The following SPATA6 variants were observed in gnomAD, a reference collection of about 807,000 sequenced individuals.
SPATA6 encodes the protein spermatogenesis associated 6, also known as spermatogenesis-associated protein 6.
A neutral mutation model predicts 65.3 loss-of-function variants in SPATA6; 56 were observed. The observed-to-expected ratio is 0.86, with a 90% CI of 0.69 to 1.07. The LOEUF is 1.07. Among genes scored for constraint, SPATA6 ranks in the 50% least tolerant of loss-of-function variants. SPATA6 has a pLI of 0.00. For synonymous variants in SPATA6, 199 were observed against 213.2 expected, an observed-to-expected ratio of 0.93 and a Z score of 0.58; for missense variants, 590 against 594.8, an observed-to-expected ratio of 0.99 and a Z score of 0.08.
intron 11 of SPATA6, among the ~76,000 whole-genome samples, chr1:48,338,307 C>CA (rs1037976952): frequency 6.6e-6 from 1 of 151,920 alleles, no homozygotes; most frequent in Non-Finnish European, 1.5e-5. Flanking sequence ...GGTGGAGTGA[C>CA]AAAACGTGAG....
intron 9 of SPATA6, among the ~76,000 whole-genome samples, chr1:48,367,913 T>G (rs555821695): frequency 6.6e-6 from 1 of 152,352 alleles, no homozygotes; most frequent in African/African-American, 2.4e-5. Context: ...TAATTTGGCA[T>G]GTTTTTGCAG....
At chr1:48,458,867 C>A (rs777581901) in intron 1 of SPATA6, among the ~76,000 whole-genome samples, 55 of 152,094 alleles carry the variant, frequency 3.6e-4, no homozygotes, top group Middle Eastern at 3.4e-3. Context: ...GATTTTTGCA[C>A]AACTTTGTGA....
intron 11 of SPATA6, among the ~76,000 whole-genome samples, chr1:48,341,436 C>T (rs116844069): frequency 3.3e-5 from 5 of 152,062 alleles, no homozygotes; most frequent in South Asian, 4.1e-4. Context: ...TCCAGCATAC[C>T]CACGCCGTAT....
chr1:48,415,997 G>A (rs1487978795), intron 3 of SPATA6, among the ~76,000 whole-genome samples: 1 of 152,126 alleles, frequency 6.6e-6, no homozygotes, highest in Non-Finnish European at 1.5e-5. Flanking sequence ...GAGCTCAGGA[G>A]TTCAAGACCA....
intron 11 of SPATA6, among the ~76,000 whole-genome samples, chr1:48,321,611 T>A (rs1460188735): frequency 6.6e-6 from 1 of 152,066 alleles, no homozygotes; most frequent in Non-Finnish European, 1.5e-5. Context: ...TAGACAGACA[T>A]CCAGACATAA....
At chr1:48,456,943 A>C (rs951491288) in intron 1 of SPATA6, among the ~76,000 whole-genome samples, 1 of 152,202 alleles carries the variant, frequency 6.6e-6, no homozygotes, top group African/African-American at 2.4e-5. Context: ...ATAATATATG[A>C]AATCTTCTGA....
intron 11 of SPATA6, among the ~76,000 whole-genome samples, chr1:48,354,381 T>G (rs1646598532): frequency 6.6e-6 from 1 of 152,066 alleles, no homozygotes. Context: ...ATTCCACTGG[T>G]AGATACATAC....
chr1:48,467,900 G>A (rs1208319286), intron 1 of SPATA6, among the ~76,000 whole-genome samples: 1 of 152,110 alleles, frequency 6.6e-6, no homozygotes, highest in Non-Finnish European at 1.5e-5. Flanking sequence ...GTAAGTGTTG[G>A]AAAGAATGTG....
At chr1:48,409,899 G>A (rs2147974408) in intron 5 of SPATA6, among the ~76,000 whole-genome samples, 1 of 152,320 alleles carries the variant, frequency 6.6e-6, no homozygotes, top group Non-Finnish European at 1.5e-5. Context: ...TAGGCCTCAA[G>A]GCCTGTGATG....
rs1237800842 is a variant in SPATA6, at chr1:48,297,287, A to G, written c.*1426T>C. Reference sequence around the variant, plus strand: ...CAGAACATAGTTTGGGGTCTACTACATTCTTATCATTTGATAGCTGAGGAA... The same window carrying G: ...CAGAACATAGTTTGGGGTCTACTACGTTCTTATCATTTGATAGCTGAGGAA... On this transcript the variant is annotated 3_prime_UTR_variant, in exon 13 of 13. Coordinates refer to ENST00000371847, the MANE Select transcript of SPATA6 (RefSeq NM_019073.4). 3 of 152,098 alleles carry G rather than the reference A, an allele frequency of 2.0e-5. No individual in the cohort carries two copies. Among genetic ancestry groups the G allele is most frequent in the African/African-American group, 4.8e-5 (2 of 41,424 alleles). 9.4% of individuals were successfully genotyped at this position (152,098 alleles called of 1,614,324 possible). A position where few individuals can be genotyped will look rare whatever the true frequency, so the allele number is the denominator to read the frequency against.
intron 12 of SPATA6, among the ~76,000 whole-genome samples, chr1:48,300,861 T>A (rs1454063108): frequency 6.6e-6 from 1 of 151,968 alleles, no homozygotes; most frequent in Non-Finnish European, 1.5e-5. Context: ...CAATTCAACA[T>A]CCACTCATAA....
intron 3 of SPATA6, among the ~76,000 whole-genome samples, chr1:48,430,249 C>T (rs554020558): frequency 9.3e-4 from 142 of 152,204 alleles, no homozygotes; most frequent in Admixed American, 2.0e-3. Flanking sequence ...ACAAGCCACA[C>T]ATCACTTACA....
intron 1 of SPATA6, among the ~76,000 whole-genome samples, chr1:48,465,111 T>A (rs1180303243): frequency 6.6e-6 from 1 of 152,052 alleles, no homozygotes; most frequent in Non-Finnish European, 1.5e-5. Flanking sequence ...AGGTTTAGTA[T>A]CCAAAATATA....
At chr1:48,409,949 C>T (rs1367782795) in intron 5 of SPATA6, among the ~76,000 whole-genome samples, 3 of 152,258 alleles carry the variant, frequency 2.0e-5, no homozygotes, top group Non-Finnish European at 2.9e-5. Context: ...GCCCTGGAGA[C>T]ATCTGCCCCA....
At chr1:48,463,928 A>G (rs909104567) in intron 1 of SPATA6, among the ~76,000 whole-genome samples, 13 of 150,832 alleles carry the variant, frequency 8.6e-5, no homozygotes, top group African/African-American at 2.5e-5. Context: ...GAATAGGAAT[A>G]GTTCAACATC....
chr1:48,443,286 A>G (rs1655694437), intron 3 of SPATA6, among the ~76,000 whole-genome samples: 1 of 152,214 alleles, frequency 6.6e-6, no homozygotes. Flanking sequence ...AAAAGTTAAC[A>G]GTGTAACACG....
At chr1:48,435,753 C>T (rs986255561) in intron 3 of SPATA6, among the ~76,000 whole-genome samples, 7 of 152,172 alleles carry the variant, frequency 4.6e-5, no homozygotes, top group South Asian at 2.1e-4. Flanking sequence ...TCCCGCGCCC[C>T]GCACCGGGAG....
chr1:48,345,559 G>A (rs1646340642), intron 11 of SPATA6, among the ~76,000 whole-genome samples: 1 of 151,958 alleles, frequency 6.6e-6, no homozygotes, highest in Non-Finnish European at 1.5e-5. Context: ...TCCAGGAGCT[G>A]TTTTTCTGAA....
At chr1:48,377,724 A>G (rs1359457491) in intron 9 of SPATA6, among the ~76,000 whole-genome samples, 1 of 152,228 alleles carries the variant, frequency 6.6e-6, no homozygotes, top group African/African-American at 2.4e-5. Context: ...TGTCAGTCAC[A>G]TAATCTTTTT....
Sources: gnomAD v4.1 joint callset for allele counts (sites outside exome capture counted in the v4.1 genomes callset) on GRCh38, gnomAD v4.1.1 for gene constraint, MANE v1.5 for transcripts, NCBI Gene and HGNC (gene_info 2026-07-23, HGNC 2026-07-21) for gene names.